ZNF581: variants seen among roughly 807,000 people sequenced by gnomAD.
The protein encoded by ZNF581 is zinc finger protein 581.
Under a neutral mutation model 1.2 loss-of-function variants are expected in ZNF581, and 1 was observed. The observed-to-expected ratio is 0.83, with a 90% CI of 0.30 to 3.95. The LOEUF (loss-of-function observed/expected upper bound fraction) is 3.95, where lower values mean the gene tolerates loss of function less well. Among genes scored for constraint, ZNF581 ranks in the 30% most tolerant of loss-of-function variants. The probability of loss-of-function intolerance (pLI) is 0.18; values close to 1 mark genes in which losing one functional copy is unlikely to be tolerated. For synonymous variants in ZNF581, 105 were observed against 109.2 expected (o/e 0.96, Z 0.24); for missense variants, 273 against 274.6 (o/e 0.99, Z 0.04).
chr19:55,637,515 C>A (rs1330925205), upstream of ZNF581, among the ~76,000 whole-genome samples: 1 of 151,716 alleles, frequency 6.6e-6, no homozygotes, highest in Non-Finnish European at 1.5e-5. Context: ...CAAGCCTGGG[C>A]GACAGAGTGA....
Position 55,643,789 on chromosome 19 carries a change from AGGAGGAAGGGGGCTGGGGGCGGGC to A in ZNF581, c.-20+18_-20+41del, listed in dbSNP as rs1359872546. ...TGCTGCACTGGGTACGGGGGCCGGG[AGGAGGAAGGGGGCTGGGGGCGGGC>A]GGCGGGAGGGGCTGGACCGCGTGGA... On this transcript the variant is annotated intron_variant, in intron 1 of 1. Transcript: ENST00000270451. 8.1e-6 allele frequency: 1 copy of A among 123,938 alleles called. No individual in the cohort carries two copies. Among genetic ancestry groups the A allele is most frequent in the Non-Finnish European group, 1.8e-5 (1 of 56,176 alleles). 7.7% of individuals were successfully genotyped at this position (123,938 alleles called of 1,614,324 possible).
chr19:55,640,915 C>G (rs1386020572), upstream of ZNF581: 5 of 985,340 alleles, frequency 5.1e-6, no homozygotes, highest in Non-Finnish European at 6.0e-6. Context: ...GTCCCCTCCC[C>G]GCAGGGCGCT....
chr19:55,642,774 G>T (rs775430139), upstream of ZNF581: 1 of 1,548,456 alleles, frequency 6.5e-7, no homozygotes, highest in Non-Finnish European at 8.7e-7. Context: ...CCCGGCCCTC[G>T]CAAGGGCTAC....
upstream of ZNF581, chr19:55,642,593 T>A: frequency 1.4e-6 from 2 of 1,450,072 alleles, no homozygotes; most frequent in Non-Finnish European, 1.8e-6. Context: ...GGCTCCCCCT[T>A]TCCCCAAGGC....
chr19:55,637,700 G>T (rs1249171345), upstream of ZNF581, among the ~76,000 whole-genome samples: 1 of 152,194 alleles, frequency 6.6e-6, no homozygotes. Context: ...CAGGGGTCAT[G>T]TGCACTGACC....
chr19:55,641,045 C>T, upstream of ZNF581: 2 of 985,142 alleles, frequency 2.0e-6, no homozygotes, highest in Non-Finnish European at 2.4e-6. Flanking sequence ...CCCCCGCGCC[C>T]CCAGTCCCCG....
upstream of ZNF581, chr19:55,642,089 G>A (rs1273134319): frequency 6.0e-6 from 6 of 993,220 alleles, no homozygotes; most frequent in Non-Finnish European, 7.2e-6. Flanking sequence ...GAAAAAAGAA[G>A]AAACCACAGA....
upstream of ZNF581, chr19:55,642,144 A>C (rs781683253): frequency 2.2e-5 from 23 of 1,029,622 alleles, no homozygotes; most frequent in Non-Finnish European, 2.7e-5. Flanking sequence ...CTAAGATGTA[A>C]AGAGGTAAAC....
chr19:55,636,239 T>C (rs539920268), upstream of ZNF581, among the ~76,000 whole-genome samples: 313 of 152,182 alleles, frequency 2.1e-3, no homozygotes, highest in Non-Finnish European at 3.1e-3. Context: ...GTACCAGATA[T>C]GGTGGTCCAG....
chr19:55,642,688 G>C, upstream of ZNF581: 1 of 1,448,744 alleles, frequency 6.9e-7, no homozygotes, highest in Non-Finnish European at 9.1e-7. Flanking sequence ...ACGCCAATGG[G>C]GTCCCCTACA....
At chr19:55,643,416 A>C (rs1600048185), upstream of ZNF581, 1 of 219,338 alleles carries the variant, frequency 4.6e-6, no homozygotes. Context: ...TTCTGTATCT[A>C]CCCCCCTTCC....
At position 55,644,840 on chromosome 19, in the gene ZNF581, C is replaced by G; in HGVS notation, c.269C>G (p.Pro90Arg). The change falls in exon 2 of 2, where the codon CCC (proline) becomes CGC (arginine). Residue 90 changes from proline (P) to arginine (R), a missense_variant. Pro to Arg is a moderately radical substitution (Grantham distance 103). Transcript: ENST00000270451. The surrounding 1 kb of genome is among the most constrained non-coding windows in gnomAD (Gnocchi z 4.3). Reference sequence around the variant, plus strand: ...GGCCAGAAAAAGTGCTACAGCTGCCCCGTGTGCTCAAGGGTCTTCGAGTAC... The same window carrying G: ...GGCCAGAAAAAGTGCTACAGCTGCCGCGTGTGCTCAAGGGTCTTCGAGTAC... Reference protein sequence around the residue: ...APGQKKCYSCPVCSRVFEYMS... With the variant: ...APGQKKCYSCRVCSRVFEYMS... 5.6e-6 allele frequency: 9 copies of G among 1,612,930 alleles called. No homozygotes were observed. Among genetic ancestry groups the G allele is most frequent in the Non-Finnish European group, 6.8e-6 (8 of 1,178,986 alleles).
upstream of ZNF581, chr19:55,643,438 C>T (rs879642076): frequency 1.3e-4 from 27 of 207,366 alleles, no homozygotes; most frequent in Admixed American, 4.3e-4. Context: ...CCCACGCCCC[C>T]GACCCTTTGC....
upstream of ZNF581, chr19:55,642,534 C>T (rs1350066769): frequency 2.8e-6 from 4 of 1,441,820 alleles, no homozygotes; most frequent in Non-Finnish European, 3.6e-6. Flanking sequence ...CCGCGGCCAC[C>T]CCACCCTCGG....
chr19:55,637,808 C>G (rs1422940396), upstream of ZNF581, among the ~76,000 whole-genome samples: 1 of 152,230 alleles, frequency 6.6e-6, no homozygotes. Context: ...CTTCCCTCAT[C>G]TGTAAAACAG....
chr19:55,635,600 T>G (rs1982046481), exon 1 of ZNF581: 1 of 886,832 alleles, frequency 1.1e-6, no homozygotes, highest in Non-Finnish European at 1.4e-6. Flanking sequence ...ACCCTGGATA[T>G]GAATATGCAG....
chr19:55,640,688 C>G (rs1982401640), upstream of ZNF581: 1 of 985,368 alleles, frequency 1.0e-6, no homozygotes. Flanking sequence ...ATCCCTTCTC[C>G]CGCCCTCTAC....
At chr19:55,637,769 G>A (rs1982181915), upstream of ZNF581, among the ~76,000 whole-genome samples, 1 of 152,186 alleles carries the variant, frequency 6.6e-6, no homozygotes, top group Non-Finnish European at 1.5e-5. Context: ...TGTGACCTCA[G>A]GCCAATCACA....
At chr19:55,642,970 C>G (rs755381401), upstream of ZNF581, 8 of 1,386,894 alleles carry the variant, frequency 5.8e-6, no homozygotes, top group East Asian at 2.1e-4. Context: ...CCTGCCCGCT[C>G]TGCCCACGCC....
Sources: allele counts gnomAD v4.1 joint callset (sites outside exome capture counted in the v4.1 genomes callset), GRCh38; gene constraint gnomAD v4.1.1; non-coding constraint Gnocchi (gnomAD v3.1); transcripts MANE v1.5; gene names NCBI Gene and HGNC (gene_info 2026-07-23, HGNC 2026-07-21).